Variants in TENM2 observed in about 807,000 individuals in gnomAD.
TENM2 encodes teneurin transmembrane protein 2, also known as teneurin-2.
TENM2 carries 52 observed loss-of-function variants against 245.2 expected under a neutral mutation model. The observed-to-expected ratio is 0.21, with a 90% CI of 0.17 to 0.27. The LOEUF (loss-of-function observed/expected upper bound fraction) is 0.27, where lower values mean the gene tolerates loss of function less well. Ranked by LOEUF, TENM2 falls within the 10% of genes least tolerant of loss-of-function variation. TENM2 has a pLI of 1.00. For synonymous variants in TENM2, 1,363 were observed against 1,438.9 expected (o/e 0.95, Z 1.19); for missense variants, 3,046 against 3,666.8 (o/e 0.83, Z 4.37).
At chr5:167,467,741 T>C (rs1465726242) in intron 2 of TENM2, among the ~76,000 whole-genome samples, 1 of 152,198 alleles carries the variant, frequency 6.6e-6, no homozygotes, top group Non-Finnish European at 1.5e-5. Context: ...AAATTTTATG[T>C]GGTAGGTTAG....
At chr5:167,273,004 A>C in the TENM2 span, among the ~76,000 whole-genome samples, 1 of 152,090 alleles carries the variant, frequency 6.6e-6, no homozygotes, top group Non-Finnish European at 1.5e-5. Context: ...TCATATATAC[A>C]ATAGCACACA....
intron 13 of TENM2, chr5:168,164,996 C>T (rs953720628): frequency 6.6e-6 from 1 of 152,080 alleles, no homozygotes; most frequent in Non-Finnish European, 1.5e-5. Flanking sequence ...ATTAGATATT[C>T]TATTTTTATT....
At chr5:167,231,974 C>T in the TENM2 span, among the ~76,000 whole-genome samples, 5 of 152,184 alleles carry the variant, frequency 3.3e-5, no homozygotes, top group Non-Finnish European at 7.3e-5. Flanking sequence ...CAGGCCATTG[C>T]TTCAGAGGAT....
chr5:167,707,206 T>A (rs1255843457), intron 2 of TENM2, among the ~76,000 whole-genome samples: 2 of 152,078 alleles, frequency 1.3e-5, no homozygotes, highest in African/African-American at 4.8e-5. Context: ...CATTTGTATG[T>A]CTTCTTTGGA....
At chr5:168,250,602 G>A (rs1562338115) in intron 27 of TENM2, among the ~76,000 whole-genome samples, 1 of 152,130 alleles carries the variant, frequency 6.6e-6, no homozygotes, top group Admixed American at 6.6e-5. Flanking sequence ...GATCAACTGT[G>A]GCCATGCATT....
chr5:167,284,537 AT>A (rs1393543174), upstream of TENM2, among the ~76,000 whole-genome samples: 1 of 152,124 alleles, frequency 6.6e-6, no homozygotes, highest in Non-Finnish European at 1.5e-5. Context: ...TGTTGTTACT[AT>A]TTTTTTCCAA....
At chr5:167,689,545 G>A (rs1177485579) in intron 2 of TENM2, among the ~76,000 whole-genome samples, 5 of 151,994 alleles carry the variant, frequency 3.3e-5, no homozygotes, top group Admixed American at 6.5e-5. Context: ...AATGATCACC[G>A]AATTCATTTA....
chr5:168,027,629 G>A (rs187817730), intron 5 of TENM2, among the ~76,000 whole-genome samples: 22 of 152,208 alleles, frequency 1.4e-4, no homozygotes, highest in Admixed American at 1.4e-3. Context: ...ATCACTCCTC[G>A]TGGCCAGAAT....
the TENM2 span, among the ~76,000 whole-genome samples, chr5:167,057,261 A>G: frequency 6.6e-6 from 1 of 152,132 alleles, no homozygotes; most frequent in South Asian, 2.1e-4. Flanking sequence ...TTCTGTTAAG[A>G]TCCTTAGCTT....
the TENM2 span, among the ~76,000 whole-genome samples, chr5:166,982,795 G>T: frequency 6.6e-5 from 10 of 151,760 alleles, 1 homozygote; most frequent in African/African-American, 1.9e-4. Context: ...TTTTTTTGGG[G>T]GGGGGAGGAG....
chr5:167,837,108 C>T (rs1769075160), intron 2 of TENM2, among the ~76,000 whole-genome samples: 2 of 151,088 alleles, frequency 1.3e-5, no homozygotes. Context: ...AGAGATATAT[C>T]TGGATAGTGT....
At chr5:168,234,485 G>A (rs1357025860) in intron 25 of TENM2, among the ~76,000 whole-genome samples, 2 of 152,036 alleles carry the variant, frequency 1.3e-5, no homozygotes, top group African/African-American at 2.4e-5. Context: ...GAGATACAAG[G>A]TTAAAATATA....
the TENM2 span, among the ~76,000 whole-genome samples, chr5:167,252,770 A>G: frequency 2.7e-4 from 41 of 152,138 alleles, no homozygotes; most frequent in African/African-American, 9.4e-4. Flanking sequence ...GATCCTTTAC[A>G]CCATTAACAC....
chr5:168,028,932 A>G (rs185185406), intron 5 of TENM2, among the ~76,000 whole-genome samples: 1 of 152,258 alleles, frequency 6.6e-6, no homozygotes, highest in African/African-American at 2.4e-5. Context: ...TGGGAATATT[A>G]CTTTCTGTGC....
chr5:168,124,914 C>T (rs1370980825), exon 11 of TENM2: 1 of 1,613,138 alleles, frequency 6.2e-7, no homozygotes, highest in Non-Finnish European at 8.5e-7. Context: ...GCCTGTGCAG[C>T]CCTGGCTGGG....
intron 2 of TENM2, among the ~76,000 whole-genome samples, chr5:167,457,875 G>A (rs926484549): frequency 2.0e-5 from 3 of 152,144 alleles, no homozygotes; most frequent in Non-Finnish European, 4.4e-5. Flanking sequence ...CATTGAGAGA[G>A]TTTTTACTTT....
intron 2 of TENM2, among the ~76,000 whole-genome samples, chr5:167,534,735 T>C (rs1388596787): frequency 6.6e-6 from 1 of 152,152 alleles, no homozygotes; most frequent in Non-Finnish European, 1.5e-5. Context: ...AGAGGACAGC[T>C]GTGATGGCGT....
chr5:167,293,198 T>TTTTG (rs1224718969), intron 1 of TENM2, among the ~76,000 whole-genome samples: 1 of 151,792 alleles, frequency 6.6e-6, no homozygotes. Flanking sequence ...GTGTTGGCTT[T>TTTTG]TTTGTTTGTT....
intron 3 of TENM2, among the ~76,000 whole-genome samples, chr5:167,916,768 G>A (rs1205832147): frequency 2.0e-5 from 3 of 152,184 alleles, no homozygotes; most frequent in African/African-American, 7.2e-5. Context: ...ATCCGTGGGA[G>A]GCCTCACTTA....
Sources: allele counts gnomAD v4.1 joint callset (sites outside exome capture counted in the v4.1 genomes callset), GRCh38; gene constraint gnomAD v4.1.1; transcripts MANE v1.5; gene names NCBI Gene and HGNC (gene_info 2026-07-23, HGNC 2026-07-21).